GABRB2: variants seen among roughly 807,000 people sequenced by gnomAD.
GABRB2 encodes gamma-aminobutyric acid receptor subunit beta-2.
Under a neutral mutation model 54.7 loss-of-function variants are expected in GABRB2, and 16 were observed. The observed-to-expected ratio is 0.29, with a 90% CI of 0.20 to 0.44. The LOEUF is 0.44. Ranked by LOEUF, GABRB2 falls within the 20% of genes least tolerant of loss-of-function variation. The pLI, the probability that GABRB2 is intolerant of heterozygous loss-of-function variation, is 1.00. For synonymous variants in GABRB2, 244 were observed against 233.8 expected (o/e 1.04, Z -0.40); for missense variants, 355 against 644.0 (o/e 0.55, Z 4.86).
intron 4 of GABRB2, among the ~76,000 whole-genome samples, chr5:161,446,600 T>C (rs1484556418): frequency 6.6e-6 from 1 of 152,182 alleles, no homozygotes. Context: ...TTGACGTGTA[T>C]ACTAGTACAA....
intron 3 of GABRB2, among the ~76,000 whole-genome samples, chr5:161,508,561 C>T (rs1244338359): frequency 1.3e-5 from 2 of 151,794 alleles, no homozygotes; most frequent in Admixed American, 1.3e-4. Context: ...CAAGTTGTTG[C>T]CACTTTAACA....
At chr5:161,477,658 G>A (rs1758635200) in intron 3 of GABRB2, among the ~76,000 whole-genome samples, 1 of 151,884 alleles carries the variant, frequency 6.6e-6, no homozygotes, top group African/African-American at 2.4e-5. Flanking sequence ...CACATGCTAT[G>A]ACATGGATGA....
intron 3 of GABRB2, among the ~76,000 whole-genome samples, chr5:161,485,978 T>C (rs755151661): frequency 1.3e-5 from 2 of 151,912 alleles, no homozygotes; most frequent in African/African-American, 2.4e-5. Flanking sequence ...CTTGATGGTA[T>C]TGCTTGAGCA....
intron 4 of GABRB2, among the ~76,000 whole-genome samples, chr5:161,422,294 C>T (rs1756876054): frequency 6.6e-6 from 1 of 151,708 alleles, no homozygotes; most frequent in Admixed American, 6.6e-5. Flanking sequence ...GTATATATAG[C>T]TAATATATAA....
chr5:161,468,887 T>C (rs544393815), intron 3 of GABRB2, among the ~76,000 whole-genome samples: 3 of 152,112 alleles, frequency 2.0e-5, no homozygotes, highest in East Asian at 3.9e-4. Context: ...TAAAATTGTG[T>C]ATATGAAACA....
chr5:161,333,724 T>C (rs1183640193), intron 7 of GABRB2, among the ~76,000 whole-genome samples: 1 of 152,136 alleles, frequency 6.6e-6, no homozygotes, highest in Non-Finnish European at 1.5e-5. Flanking sequence ...CACTGTTGGT[T>C]TGTTCCTACC....
At chr5:161,364,323 A>G (rs1254548614) in intron 5 of GABRB2, among the ~76,000 whole-genome samples, 1 of 152,144 alleles carries the variant, frequency 6.6e-6, no homozygotes, top group Non-Finnish European at 1.5e-5. Flanking sequence ...AAATTCATCT[A>G]GACATTGTGA....
At chr5:161,516,161 C>T (rs1237279409) in intron 3 of GABRB2, among the ~76,000 whole-genome samples, 1 of 152,226 alleles carries the variant, frequency 6.6e-6, no homozygotes, top group Admixed American at 6.5e-5. Flanking sequence ...TATAGTAGAA[C>T]CTAAATAAAT....
intron 5 of GABRB2, among the ~76,000 whole-genome samples, chr5:161,367,700 T>G (rs1755010122): frequency 6.6e-6 from 1 of 152,168 alleles, no homozygotes; most frequent in South Asian, 2.1e-4. Context: ...ATTTTTTTCG[T>G]GCCTCTAAAA....
intron 4 of GABRB2, among the ~76,000 whole-genome samples, chr5:161,424,829 G>A (rs1046068269): frequency 6.6e-6 from 1 of 152,072 alleles, no homozygotes; most frequent in African/African-American, 2.4e-5. Context: ...TGAAAACCTG[G>A]AAAGAATTCA....
At chr5:161,332,545 C>T (rs1407527859) in intron 7 of GABRB2, among the ~76,000 whole-genome samples, 2 of 152,068 alleles carry the variant, frequency 1.3e-5, no homozygotes, top group Non-Finnish European at 2.9e-5. Context: ...GGTAAATGCA[C>T]TGAAAGTCCA....
chr5:161,382,813 T>C (rs1465062608), intron 5 of GABRB2, among the ~76,000 whole-genome samples: 1 of 152,172 alleles, frequency 6.6e-6, no homozygotes, highest in Non-Finnish European at 1.5e-5. Context: ...AGGCCTATTC[T>C]TCACTTTGAC....
At chr5:161,337,080 A>T (rs1754015735) in intron 5 of GABRB2, among the ~76,000 whole-genome samples, 1 of 152,184 alleles carries the variant, frequency 6.6e-6, no homozygotes, top group Non-Finnish European at 1.5e-5. Context: ...ATAAAATAGG[A>T]ATAGGTGTAG....
At chr5:161,306,937 G>C (rs1757706787) in intron 9 of GABRB2, among the ~76,000 whole-genome samples, 1 of 152,118 alleles carries the variant, frequency 6.6e-6, no homozygotes, top group African/African-American at 2.4e-5. Context: ...AGGGGAGTGT[G>C]ATTATGGAAC....
At chr5:161,497,687 T>C (rs1420577935) in intron 3 of GABRB2, among the ~76,000 whole-genome samples, 2 of 152,100 alleles carry the variant, frequency 1.3e-5, no homozygotes, top group East Asian at 3.9e-4. Flanking sequence ...ATCATTCTCT[T>C]CACAAGATCC....
chr5:161,525,483 A>G (rs1760249607), intron 3 of GABRB2, among the ~76,000 whole-genome samples: 1 of 151,368 alleles, frequency 6.6e-6, no homozygotes, highest in Admixed American at 6.6e-5. Flanking sequence ...ACAAAAATAT[A>G]CAGAACTAAT....
At chr5:161,533,204 C>A (rs1307708757) in intron 3 of GABRB2, among the ~76,000 whole-genome samples, 1 of 152,076 alleles carries the variant, frequency 6.6e-6, no homozygotes, top group Non-Finnish European at 1.5e-5. Context: ...AGCCAATGGG[C>A]TAAATGTACC....
chr5:161,463,705 C>T (rs923628093), intron 3 of GABRB2, among the ~76,000 whole-genome samples: 5 of 149,278 alleles, frequency 3.3e-5, no homozygotes, highest in African/African-American at 1.2e-4. Flanking sequence ...CTTACTAATA[C>T]TACCACTGTG....
At chr5:161,520,433 G>T (rs552705022) in intron 3 of GABRB2, among the ~76,000 whole-genome samples, 2 of 152,158 alleles carry the variant, frequency 1.3e-5, no homozygotes, top group South Asian at 4.1e-4. Flanking sequence ...AAACCATGTA[G>T]TTACAAAATA....
Sources: allele counts gnomAD v4.1 joint callset (sites outside exome capture counted in the v4.1 genomes callset), GRCh38; gene constraint gnomAD v4.1.1; transcripts MANE v1.5; gene names NCBI Gene and HGNC (gene_info 2026-07-23, HGNC 2026-07-21).